KIDINS220: variants seen among roughly 807,000 people sequenced by gnomAD.
KIDINS220 encodes kinase D interacting substrate 220, also known as kinase D-interacting substrate of 220 kDa.
Under a neutral mutation model 157.6 loss-of-function variants are expected in KIDINS220, and 63 were observed. The observed-to-expected ratio is 0.40, with a 90% CI of 0.33 to 0.49. The LOEUF (loss-of-function observed/expected upper bound fraction) is 0.49. Among genes scored for constraint, KIDINS220 ranks in the 20% least tolerant of loss-of-function variants. The pLI is 0.66. For missense variants in KIDINS220, 1,772 were observed against 2,171.2 expected, an observed-to-expected ratio of 0.82 and a Z score of 3.65; for synonymous variants, 732 against 783.6, an observed-to-expected ratio of 0.93 and a Z score of 1.10.
chr2:8,814,813 C>CA (rs1284153507), intron 4 of KIDINS220, among the ~76,000 whole-genome samples: 3 of 152,204 alleles, frequency 2.0e-5, no homozygotes, highest in Non-Finnish European at 4.4e-5. Flanking sequence ...ACCAGTGATA[C>CA]AAACTGAAAT....
At chr2:8,801,922 G>A (rs1329457727) in intron 8 of KIDINS220, among the ~76,000 whole-genome samples, 3 of 152,142 alleles carry the variant, frequency 2.0e-5, no homozygotes, top group Non-Finnish European at 2.9e-5. Flanking sequence ...AAGTGATCAC[G>A]TAACTACTTC....
chr2:8,767,347 T>C (rs1669617658), intron 22 of KIDINS220, among the ~76,000 whole-genome samples: 1 of 152,154 alleles, frequency 6.6e-6, no homozygotes, highest in Admixed American at 6.6e-5. Flanking sequence ...AAGAATTTCA[T>C]GAAGATTCTA....
At chr2:8,816,578 T>C (rs1195231472) in intron 4 of KIDINS220, among the ~76,000 whole-genome samples, 1 of 152,208 alleles carries the variant, frequency 6.6e-6, no homozygotes, top group Non-Finnish European at 1.5e-5. Flanking sequence ...CACTGTGTCA[T>C]TAACCCATCT....
At position 8,731,094 on chromosome 2, in the gene KIDINS220, C is replaced by T. The variant is rs1664012935; in HGVS notation, c.4942G>A (p.Glu1648Lys). The T allele has an allele frequency of 6.2e-7, 1 of 1,614,090 alleles. No homozygotes were observed. Among genetic ancestry groups the T allele is most frequent in the African/African-American group, 1.3e-5 (1 of 74,928 alleles). Reference sequence around the variant, plus strand: ...CATTCGGAAGGGCTTTTCTTGTCTTCTGAACAAATGGACATCCGAGCTATA... The same window carrying T: ...CATTCGGAAGGGCTTTTCTTGTCTTTTGAACAAATGGACATCCGAGCTATA... ...PIIARMSICS[E>K]DKKSPSECSL... Residue 1648 changes from glutamate to lysine, a missense_variant, in exon 30 of 30, where the codon GAA becomes AAA. Coordinates refer to ENST00000256707, the MANE Select transcript of KIDINS220 (RefSeq NM_020738.4). The surrounding 1 kb of genome is among the most constrained non-coding windows in gnomAD (Gnocchi z 5.2).
chr2:8,833,675 G>C (rs957795943), intron 1 of KIDINS220, among the ~76,000 whole-genome samples: 1 of 152,078 alleles, frequency 6.6e-6, no homozygotes, highest in African/African-American at 2.4e-5. Context: ...GACATCAGTT[G>C]AATCTAATGT....
At chr2:8,820,052 T>G (rs953873198) in intron 2 of KIDINS220, among the ~76,000 whole-genome samples, 2 of 152,164 alleles carry the variant, frequency 1.3e-5, no homozygotes, top group Non-Finnish European at 2.9e-5. Flanking sequence ...CTTCAAACCC[T>G]TCAATGTTTT....
intron 7 of KIDINS220, among the ~76,000 whole-genome samples, chr2:8,803,812 C>A (rs556560048): frequency 6.6e-6 from 1 of 152,198 alleles, no homozygotes; most frequent in African/African-American, 2.4e-5. Flanking sequence ...GAGTTCAAGA[C>A]CAGCCTAGGC....
At chr2:8,748,836 T>C (rs1469420689) in intron 24 of KIDINS220, among the ~76,000 whole-genome samples, 1 of 152,194 alleles carries the variant, frequency 6.6e-6, no homozygotes, top group Non-Finnish European at 1.5e-5. Flanking sequence ...TAAAATACTA[T>C]TAAAAAGCAT....
chr2:8,816,992 A>C (rs1402742380), intron 4 of KIDINS220, among the ~76,000 whole-genome samples: 1 of 152,180 alleles, frequency 6.6e-6, no homozygotes, highest in African/African-American at 2.4e-5. Flanking sequence ...CTAAGTAATA[A>C]ATATTTTATA....
At chr2:8,792,925 G>A (rs549201435) in intron 12 of KIDINS220, among the ~76,000 whole-genome samples, 5 of 152,220 alleles carry the variant, frequency 3.3e-5, no homozygotes, top group South Asian at 2.1e-4. Flanking sequence ...CACCAATAGC[G>A]AACTCAATGT....
chr2:8,763,134 T>C (rs1476485716), intron 22 of KIDINS220, among the ~76,000 whole-genome samples: 4 of 152,194 alleles, frequency 2.6e-5, no homozygotes, highest in Admixed American at 2.6e-4. Context: ...AAATATTTAG[T>C]TCTATATTTC....
chr2:8,783,899 C>A (rs1420388077), intron 17 of KIDINS220, among the ~76,000 whole-genome samples: 1 of 152,000 alleles, frequency 6.6e-6, no homozygotes, highest in Non-Finnish European at 1.5e-5. Context: ...CAATGAAAAT[C>A]CCAGCAAGTT....
chr2:8,727,552 C>T (rs1663449762), downstream of KIDINS220, among the ~76,000 whole-genome samples: 1 of 152,042 alleles, frequency 6.6e-6, no homozygotes, highest in Admixed American at 6.6e-5. Context: ...AGTCTTTTAC[C>T]CATAAGATTT....
intron 26 of KIDINS220, chr2:8,740,154 G>A: frequency 1.0e-6 from 1 of 982,860 alleles, no homozygotes; most frequent in Non-Finnish European, 1.2e-6. Flanking sequence ...TTCTGTACCT[G>A]TCTCTGTTTG....
At chr2:8,766,171 T>C (rs1669458662) in intron 22 of KIDINS220, among the ~76,000 whole-genome samples, 1 of 149,638 alleles carries the variant, frequency 6.7e-6, no homozygotes. Context: ...TGAACCCCAC[T>C]GGTGACCCGA....
chr2:8,828,962 T>TG (rs1284970819), intron 1 of KIDINS220, among the ~76,000 whole-genome samples: 12 of 152,174 alleles, frequency 7.9e-5, no homozygotes, highest in Admixed American at 3.3e-4. Flanking sequence ...AATGAGACTG[T>TG]GGACTTTGGG....
intron 21 of KIDINS220, among the ~76,000 whole-genome samples, chr2:8,771,470 G>A (rs1027851563): frequency 3.3e-5 from 5 of 152,132 alleles, no homozygotes; most frequent in African/African-American, 1.2e-4. Flanking sequence ...GTAGACAGTC[G>A]CAATCCTCAA....
At chr2:8,806,436 A>G in intron 6 of KIDINS220, 67 bp from the exon 7 acceptor site, 1 of 932,568 alleles carries the variant, frequency 1.1e-6, no homozygotes, top group Non-Finnish European at 1.6e-6. Flanking sequence ...AGCTCTTAAC[A>G]TGAATTTTAA....
intron 14 of KIDINS220, among the ~76,000 whole-genome samples, chr2:8,789,412 C>T (rs1211395406): frequency 1.3e-4 from 20 of 149,978 alleles, no homozygotes; most frequent in Admixed American, 1.3e-3. Flanking sequence ...CTCAGCCTCC[C>T]GAGTAGCTGG....
Sources: gnomAD v4.1 joint callset for allele counts (sites outside exome capture counted in the v4.1 genomes callset) on GRCh38, gnomAD v4.1.1 for gene constraint, Gnocchi (gnomAD v3.1) non-coding constraint, MANE v1.5 for transcripts, NCBI Gene and HGNC (gene_info 2026-07-23, HGNC 2026-07-21) for gene names.